Variants in PPA2 observed in about 807,000 individuals in gnomAD.
PPA2 encodes the protein inorganic pyrophosphatase 2, mitochondrial.
In PPA2, 48 loss-of-function variants were observed where a neutral mutation model predicts 49.5. That is an observed-to-expected ratio of 0.97 (90% CI 0.77 to 1.23). The LOEUF is 1.23. PPA2 is among the 50% of genes most tolerant of loss of function. The pLI is 0.00. For missense variants in PPA2, 429 were observed against 410.1 expected (o/e 1.05, Z -0.40); for synonymous variants, 131 against 139.9 (o/e 0.94, Z 0.45).
At chr4:105,416,415 G>A (rs1723011435) in intron 7 of PPA2, among the ~76,000 whole-genome samples, 1 of 152,082 alleles carries the variant, frequency 6.6e-6, no homozygotes. Context: ...TTGTCCAAAG[G>A]GGAGGAAAAA....
At position 105,456,829 on chromosome 4, in the gene PPA2, CCA is replaced by C. The variant is rs1301008775; in HGVS notation, c.158-86_158-85del. ...ATACAGCAATAATAAACATCCTTATCCACTTTTAAACTTACGCATTTTTTACA... is the reference window on the plus strand; with the variant it reads ...ATACAGCAATAATAAACATCCTTATCCTTTTAAACTTACGCATTTTTTACA... On this transcript the variant is annotated intron_variant, in intron 1 of 11. Transcript: ENST00000341695. 86 of 1,067,504 alleles carry C rather than the reference CCA, an allele frequency of 8.1e-5. 1 individual carries two copies. The highest frequency in any genetic ancestry group is 2.2e-4 in the Middle Eastern group (1 of 4,580). 66.1% of individuals were successfully genotyped at this position (1,067,504 alleles called of 1,614,324 possible).
chr4:105,407,016 T>C (rs1442647700), intron 7 of PPA2: 3 of 151,806 alleles, frequency 2.0e-5, no homozygotes, highest in Admixed American at 1.3e-4. Flanking sequence ...TATACTAAAA[T>C]TGGAACAATA....
chr4:105,387,106 G>T (rs1215422116), intron 9 of PPA2, among the ~76,000 whole-genome samples: 1 of 152,150 alleles, frequency 6.6e-6, no homozygotes, highest in Non-Finnish European at 1.5e-5. Flanking sequence ...TGTAAAGTTT[G>T]TTTTCTTATA....
At chr4:105,433,102 C>G (rs1264077523) in intron 6 of PPA2, among the ~76,000 whole-genome samples, 2 of 152,068 alleles carry the variant, frequency 1.3e-5, no homozygotes, top group Admixed American at 6.5e-5. Flanking sequence ...TAAAGGAAAT[C>G]ATTCATTTTT....
intron 6 of PPA2, among the ~76,000 whole-genome samples, chr4:105,433,212 A>G (rs1723894928): frequency 1.3e-5 from 2 of 152,184 alleles, no homozygotes; most frequent in Admixed American, 1.3e-4. Flanking sequence ...ACAAGGAATC[A>G]GATTTTCTGA....
intron 7 of PPA2, chr4:105,405,268 T>C (rs1185170923): frequency 2.9e-5 from 21 of 730,964 alleles, no homozygotes; most frequent in Non-Finnish European, 3.3e-5. Context: ...ATAAAAAGTA[T>C]CTAGGTATAC....
intron 2 of PPA2, among the ~76,000 whole-genome samples, chr4:105,455,151 T>G (rs1722828592): frequency 2.0e-5 from 3 of 152,214 alleles, no homozygotes; most frequent in Admixed American, 2.0e-4. Context: ...GAACAGTGCC[T>G]GGCTCATAAT....
intron 6 of PPA2, among the ~76,000 whole-genome samples, chr4:105,436,036 A>C (rs1369004316): frequency 2.6e-5 from 4 of 152,170 alleles, no homozygotes; most frequent in Non-Finnish European, 5.9e-5. Flanking sequence ...CACTAATGAC[A>C]TGATAGTGTA....
At chr4:105,382,057 G>A (rs1733510983) in intron 10 of PPA2, among the ~76,000 whole-genome samples, 1 of 151,714 alleles carries the variant, frequency 6.6e-6, no homozygotes, top group South Asian at 2.1e-4. Context: ...AACTATTTTT[G>A]CTGCATTACA....
In PPA2 at chr4:105,370,515, G is replaced by A. The variant is rs957148267; in HGVS notation, c.976+322C>T. On this transcript the variant is annotated intron_variant, in intron 11 of 11. Transcript: ENST00000341695. ...ATTAAAAAAAGATAAATATCTAAAT[G>A]TAAGAGTTTTTTTTTAATTAAATCT... 17 of 762,934 alleles carry A rather than the reference G, an allele frequency of 2.2e-5. No homozygotes were observed. The African/African-American group carries it at 3.1e-4, about 14-fold the overall frequency. The allele number at this position is 762,934 out of a possible 1,614,324, so 47.3% of individuals were successfully genotyped here. A position where few individuals can be genotyped will look rare whatever the true frequency, so the allele number is the denominator to read the frequency against.
chr4:105,471,734 A>T (rs1426980436), intron 1 of PPA2, among the ~76,000 whole-genome samples: 1 of 152,092 alleles, frequency 6.6e-6, no homozygotes, highest in Non-Finnish European at 1.5e-5. Flanking sequence ...TACCCCTTCT[A>T]GCAGGTAGTA....
Position 105,398,996 on chromosome 4 carries a change from T to C in PPA2, c.783+41A>G. 1.9e-6 allele frequency: 3 copies of C among 1,587,500 alleles called. No individual in the cohort carries two copies. The South Asian group carries it at 3.4e-5, about 18-fold the overall frequency. On this transcript the variant is annotated intron_variant, in intron 8 of 11. Transcript: ENST00000341695. ...CCAAGTGAAACGAATATTGTACAGG[T>C]ATCAGGAGGTACATTTTAAAATAAA...
At chr4:105,412,886 G>T (rs988224753) in intron 7 of PPA2, among the ~76,000 whole-genome samples, 1 of 152,192 alleles carries the variant, frequency 6.6e-6, no homozygotes, top group African/African-American at 2.4e-5. Context: ...CTGTTGGTGG[G>T]AGTGTAAATT....
At chr4:105,414,080 T>C (rs537694067) in intron 7 of PPA2, among the ~76,000 whole-genome samples, 5 of 151,962 alleles carry the variant, frequency 3.3e-5, no homozygotes, top group African/African-American at 7.2e-5. Context: ...AATAAGCCAA[T>C]AGAAATACAA....
intron 10 of PPA2, among the ~76,000 whole-genome samples, chr4:105,379,132 T>C (rs890490267): frequency 6.7e-6 from 1 of 148,444 alleles, no homozygotes; most frequent in Non-Finnish European, 1.5e-5. Context: ...GTTGAAGGCA[T>C]GAACATTATG....
At chr4:105,453,560 T>C (rs574798999) in intron 3 of PPA2, 38 bp downstream of exon 3, 2 of 1,494,826 alleles carry the variant, frequency 1.3e-6, no homozygotes, top group African/African-American at 1.4e-5. Context: ...ACAGACAATA[T>C]AAAAGTGATT....
chr4:105,405,323 T>C (rs1664463478), intron 7 of PPA2: 6 of 763,224 alleles, frequency 7.9e-6, no homozygotes, highest in Non-Finnish European at 9.6e-6. Context: ...CTTTTTGCTA[T>C]ACACATATAG....
At chr4:105,394,876 C>T (rs77183739) in intron 9 of PPA2, among the ~76,000 whole-genome samples, 2,415 of 152,134 alleles carry the variant, frequency 0.016, 58 homozygotes, top group African/African-American at 0.055. Flanking sequence ...CAAATATTTC[C>T]TCAGACAATC....
At chr4:105,443,444 G>GA (rs11351997) in intron 5 of PPA2, among the ~76,000 whole-genome samples, 163 of 104,586 alleles carry the variant, frequency 1.6e-3, no homozygotes, top group Middle Eastern at 5.2e-3. Context: ...CCATCAAGCA[G>GA]AAAAAAAAAA....
Sources: gnomAD v4.1 joint callset for allele counts (sites outside exome capture counted in the v4.1 genomes callset) on GRCh38, gnomAD v4.1.1 for gene constraint, MANE v1.5 for transcripts, NCBI Gene and HGNC (gene_info 2026-07-23, HGNC 2026-07-21) for gene names.